The following COMMD1 variants were observed in gnomAD, a reference collection of about 807,000 sequenced individuals.
COMMD1 encodes the protein copper metabolism domain containing 1.
A neutral mutation model predicts 17.2 loss-of-function variants in COMMD1; 10 were observed. That is an observed-to-expected ratio of 0.58 (90% confidence interval 0.36 to 0.99). COMMD1 has a LOEUF of 0.99. Among genes scored for constraint, COMMD1 ranks in the 50% least tolerant of loss-of-function variants. The pLI, the probability that COMMD1 is intolerant of heterozygous loss-of-function variation, is 0.01. For synonymous variants in COMMD1, 97 were observed against 91.6 expected (o/e 1.06, Z -0.34); for missense variants, 270 against 231.8 (o/e 1.17, Z -1.07).
At chr2:61,942,952 C>T (rs962820822) in intron 1 of COMMD1, among the ~76,000 whole-genome samples, 1 of 152,094 alleles carries the variant, frequency 6.6e-6, no homozygotes, top group Non-Finnish European at 1.5e-5. Flanking sequence ...TACACTCATA[C>T]AAAGTTCCTG....
intron 2 of COMMD1, among the ~76,000 whole-genome samples, chr2:62,112,767 T>A (rs1672489850): frequency 1.3e-5 from 2 of 152,216 alleles, no homozygotes; most frequent in African/African-American, 4.8e-5. Context: ...TGGGGACATA[T>A]CTAAACCTGT....
chr2:61,952,853 G>T (rs1384322385), intron 1 of COMMD1, among the ~76,000 whole-genome samples: 1 of 152,228 alleles, frequency 6.6e-6, no homozygotes, highest in Admixed American at 6.5e-5. Context: ...ACCTAGGAGT[G>T]AAATGGTTGA....
At chr2:61,995,098 A>ATTT (rs35882343) in intron 1 of COMMD1, among the ~76,000 whole-genome samples, 1 of 151,690 alleles carries the variant, frequency 6.6e-6, no homozygotes, top group Non-Finnish European at 1.5e-5. Context: ...TCAGCTTAAA[A>ATTT]TTTTTTTTTC....
intron 2 of COMMD1, among the ~76,000 whole-genome samples, chr2:62,011,166 C>T (rs1280603199): frequency 1.3e-5 from 2 of 152,130 alleles, no homozygotes; most frequent in Non-Finnish European, 2.9e-5. Context: ...TCACCAGCTA[C>T]CTCTCTAAAA....
rs192942933 is a variant in COMMD1, at chr2:61,893,854, A to G, written n.119+5012A>G. On this transcript the variant is annotated intron_variant and non_coding_transcript_variant, in intron 1 of 2. Transcript: ENST00000472729. ...GAGAAAAATTGCAAATTTGTGGGCA[A>G]AAGACATGAGTGTTGTTTTAGGGGT... Among the ~76,000 whole-genome samples, 15 of 152,178 alleles carry G rather than the reference A, an allele frequency of 9.9e-5. No homozygotes were observed. The East Asian group carries it at 2.7e-3, about 27-fold the overall frequency.
chr2:62,096,724 G>A (rs1296667802), intron 2 of COMMD1, among the ~76,000 whole-genome samples: 1 of 152,218 alleles, frequency 6.6e-6, no homozygotes, highest in African/African-American at 2.4e-5. Context: ...CCCCCTTGGG[G>A]AAATCATATG....
intron 1 of COMMD1, among the ~76,000 whole-genome samples, chr2:61,965,189 T>G (rs1671474769): frequency 6.6e-6 from 1 of 152,256 alleles, no homozygotes; most frequent in Non-Finnish European, 1.5e-5. Flanking sequence ...CTGAGTGCTA[T>G]TCATTTTGCT....
At chr2:62,127,781 T>C (rs1474500928) in intron 2 of COMMD1, among the ~76,000 whole-genome samples, 1 of 152,148 alleles carries the variant, frequency 6.6e-6, no homozygotes, top group African/African-American at 2.4e-5. Flanking sequence ...CCCAACACTT[T>C]GGGAGGCTGA....
At chr2:61,954,373 T>C (rs1671139121) in intron 1 of COMMD1, among the ~76,000 whole-genome samples, 1 of 152,212 alleles carries the variant, frequency 6.6e-6, no homozygotes, top group African/African-American at 2.4e-5. Context: ...TTATGAGTTA[T>C]AGCAGATCAA....
intron 2 of COMMD1, among the ~76,000 whole-genome samples, chr2:62,042,043 C>T (rs556863360): frequency 6.6e-6 from 1 of 152,158 alleles, no homozygotes; most frequent in African/African-American, 2.4e-5. Flanking sequence ...ACTGATTGGC[C>T]CATTTTACAG....
At chr2:61,911,962 T>C (rs1669917664) in intron 1 of COMMD1, among the ~76,000 whole-genome samples, 1 of 152,174 alleles carries the variant, frequency 6.6e-6, no homozygotes. Context: ...TCATGTGGCT[T>C]GTTCATTTGT....
At chr2:62,034,879 A>G (rs1025390369) in intron 2 of COMMD1, among the ~76,000 whole-genome samples, 8 of 152,248 alleles carry the variant, frequency 5.3e-5, no homozygotes, top group South Asian at 2.1e-4. Flanking sequence ...GAACCAAGCA[A>G]TAAGTGAAGC....
intron 2 of COMMD1, among the ~76,000 whole-genome samples, chr2:62,095,922 T>TATAC: frequency 6.9e-6 from 1 of 145,486 alleles, no homozygotes; most frequent in Non-Finnish European, 1.5e-5. Context: ...TATACATATA[T>TATAC]ATATATATGT....
chr2:62,083,947 G>GAGTA (rs1321767711), intron 2 of COMMD1, among the ~76,000 whole-genome samples: 1 of 152,216 alleles, frequency 6.6e-6, no homozygotes, highest in African/African-American at 2.4e-5. Context: ...ATTGCACTCA[G>GAGTA]AGTACTCAGT....
intron 1 of COMMD1, among the ~76,000 whole-genome samples, chr2:61,924,094 TA>T (rs1670262143): frequency 6.6e-6 from 1 of 152,168 alleles, no homozygotes; most frequent in African/African-American, 2.4e-5. Flanking sequence ...AGAATTTCTT[TA>T]ATAGTGTGAA....
At chr2:61,925,151 G>C (rs1670295937) in intron 1 of COMMD1, among the ~76,000 whole-genome samples, 1 of 152,246 alleles carries the variant, frequency 6.6e-6, no homozygotes, top group Admixed American at 6.5e-5. Flanking sequence ...TTTGGGGAAA[G>C]GGAGATTGGC....
intron 1 of COMMD1, among the ~76,000 whole-genome samples, chr2:61,942,213 C>T (rs990099748): frequency 1.1e-4 from 16 of 151,798 alleles, no homozygotes; most frequent in African/African-American, 3.9e-4. Flanking sequence ...AAGCGATTCT[C>T]CTGCCTCAGC....
chr2:61,905,968 C>T, intron 1 of COMMD1, 110 bp downstream of exon 1: 2 of 1,048,386 alleles, frequency 1.9e-6, no homozygotes, highest in Admixed American at 1.9e-5. Context: ...AGGCTTTTCC[C>T]TCTCAGACCT....
At chr2:61,952,925 A>G (rs541471714) in intron 1 of COMMD1, among the ~76,000 whole-genome samples, 2 of 152,356 alleles carry the variant, frequency 1.3e-5, no homozygotes, top group African/African-American at 4.8e-5. Context: ...AGTGATGGTG[A>G]TAACTGCACC....
Sources: allele counts gnomAD v4.1 joint callset (sites outside exome capture counted in the v4.1 genomes callset), GRCh38; gene constraint gnomAD v4.1.1; transcripts MANE v1.5; gene names NCBI Gene and HGNC (gene_info 2026-07-23, HGNC 2026-07-21).